Variants in PKIB observed in about 807,000 individuals in gnomAD.
The protein encoded by PKIB is cAMP-dependent protein kinase inhibitor beta.
PKIB carries 2 observed loss-of-function variants against 4.5 expected under a neutral mutation model. That is an observed-to-expected ratio of 0.44 (90% CI 0.18 to 1.39). PKIB has a LOEUF of 1.39. Among genes scored for constraint, PKIB ranks in the 40% most tolerant of loss-of-function variants. The probability of loss-of-function intolerance (pLI) is 0.27; values close to 1 mark genes in which losing one functional copy is unlikely to be tolerated. For missense variants in PKIB, 94 were observed against 92.6 expected, an observed-to-expected ratio of 1.02 and a Z score of -0.06; for synonymous variants, 38 against 36.0, an observed-to-expected ratio of 1.06 and a Z score of -0.20.
chr6:122,651,660 A>T (rs1334741595), intron 2 of PKIB, among the ~76,000 whole-genome samples: 1 of 152,220 alleles, frequency 6.6e-6, no homozygotes, highest in Non-Finnish European at 1.5e-5. Flanking sequence ...GGAGAAATTC[A>T]TTTTGTGTTG....
chr6:122,529,257 G>A (rs9490470), intron 2 of PKIB, among the ~76,000 whole-genome samples: 20,463 of 151,908 alleles, frequency 0.13, 1,503 homozygotes, highest in East Asian at 0.26. Context: ...TTGCAATTAC[G>A]TAAAACATCT....
intron 3 of PKIB, among the ~76,000 whole-genome samples, chr6:122,687,672 G>C (rs1334142499): frequency 6.6e-6 from 1 of 151,950 alleles, no homozygotes; most frequent in East Asian, 1.9e-4. Context: ...TTATTGTAGA[G>C]ATATTTCACT....
At chr6:122,524,309 T>C (rs1287948515) in intron 2 of PKIB, among the ~76,000 whole-genome samples, 2 of 144,928 alleles carry the variant, frequency 1.4e-5, no homozygotes, top group East Asian at 4.1e-4. Context: ...CCTCTTTCTT[T>C]TTCTTTTCCT....
At chr6:122,625,237 G>A (rs188412600) in intron 1 of PKIB, among the ~76,000 whole-genome samples, 145 of 152,218 alleles carry the variant, frequency 9.5e-4, no homozygotes, top group African/African-American at 3.3e-3. Context: ...CTAATTCTTC[G>A]TCATTTTTAT....
intron 1 of PKIB, among the ~76,000 whole-genome samples, chr6:122,612,864 A>G (rs529173148): frequency 7.7e-4 from 118 of 152,292 alleles, no homozygotes; most frequent in Non-Finnish European, 1.5e-3. Flanking sequence ...AAGGAACACT[A>G]TAGAGTAATT....
chr6:122,621,692 C>G (rs1775235212), intron 1 of PKIB, among the ~76,000 whole-genome samples: 1 of 152,174 alleles, frequency 6.6e-6, no homozygotes, highest in Non-Finnish European at 1.5e-5. Context: ...GGGACAGTGA[C>G]AGGAGATGTA....
intron 2 of PKIB, among the ~76,000 whole-genome samples, chr6:122,652,107 A>G (rs1328184472): frequency 6.6e-6 from 1 of 152,176 alleles, no homozygotes; most frequent in Non-Finnish European, 1.5e-5. Flanking sequence ...ACCAATTCAT[A>G]AAGCTTATCC....
rs1435809363 is a variant in PKIB, at chr6:122,537,758, C to T, written c.-247-48163C>T. On this transcript the variant is annotated intron_variant, in intron 2 of 6. Coordinates refer to the PKIB transcript ENST00000392491. The stretch of plus-strand genomic sequence containing the variant: ...GATCCCTGAGGAATCGCCACACTGA[C>T]TTCCACAATGGTTGAACTAGTTTTC... Among the ~76,000 whole-genome samples, 5 of 152,124 alleles carry T rather than the reference C, an allele frequency of 3.3e-5. 1 individual carries two copies. Among genetic ancestry groups the T allele is most frequent in the Admixed American group, 1.3e-4 (2 of 15,280 alleles).
At chr6:122,699,253 TAA>T (rs147271741) in intron 3 of PKIB, among the ~76,000 whole-genome samples, 1 of 132,824 alleles carries the variant, frequency 7.5e-6, no homozygotes, top group Non-Finnish European at 1.6e-5. Flanking sequence ...AGTATAATAA[TAA>T]AAAAAAAAGA....
At chr6:122,675,599 AG>A (rs751934392) in intron 3 of PKIB, among the ~76,000 whole-genome samples, 21 of 152,276 alleles carry the variant, frequency 1.4e-4, no homozygotes, top group East Asian at 9.7e-4. Flanking sequence ...AATCAAAACT[AG>A]GTCTCATAAT....
At chr6:122,507,811 T>G (rs941782603) in intron 2 of PKIB, among the ~76,000 whole-genome samples, 10 of 151,962 alleles carry the variant, frequency 6.6e-5, no homozygotes, top group African/African-American at 2.4e-4. Flanking sequence ...TTTAGGTCTT[T>G]GTTTTTGAGT....
chr6:122,623,276 G>A (rs940311509), intron 1 of PKIB, among the ~76,000 whole-genome samples: 2 of 152,096 alleles, frequency 1.3e-5, no homozygotes, highest in South Asian at 2.1e-4. Flanking sequence ...TTACTCTTTA[G>A]GAGAGTTGAC....
chr6:122,505,695 T>C (rs1776375539), intron 2 of PKIB, among the ~76,000 whole-genome samples: 1 of 152,118 alleles, frequency 6.6e-6, no homozygotes, highest in African/African-American at 2.4e-5. Flanking sequence ...TTAATATTAA[T>C]TTTTTATCCC....
At chr6:122,534,646 T>C (rs1177964750) in intron 2 of PKIB, among the ~76,000 whole-genome samples, 3 of 151,942 alleles carry the variant, frequency 2.0e-5, no homozygotes, top group Non-Finnish European at 2.9e-5. Context: ...ATACAATACT[T>C]TCATTGGAAA....
intron 2 of PKIB, among the ~76,000 whole-genome samples, chr6:122,583,134 A>G (rs1345079456): frequency 1.3e-5 from 2 of 152,010 alleles, no homozygotes; most frequent in East Asian, 3.8e-4. Flanking sequence ...TTCATTGTAT[A>G]ATACACTGTT....
chr6:122,547,522 G>A (rs558930354), intron 2 of PKIB, among the ~76,000 whole-genome samples: 3 of 151,874 alleles, frequency 2.0e-5, no homozygotes, highest in Admixed American at 6.6e-5. Context: ...ATTTTTAGTA[G>A]AGACGGGATT....
rs115401032 is a variant in PKIB, at chr6:122,684,604, G to T, written c.-9+9460G>T. ...CTTATAAGTTTGCCCTAGAAGTCCA[G>T]TGACATGAGCTTTAGACTGGATTTT... On this transcript the variant is annotated intron_variant, in intron 3 of 4. Coordinates refer to ENST00000368452, the MANE Select transcript of PKIB (RefSeq NM_181795.3). Among the ~76,000 whole-genome samples the T allele has an allele frequency of 4.7e-3, 723 of 152,288 alleles. 9 individuals are homozygous for T. Among genetic ancestry groups the T allele is most frequent in the African/African-American group, 0.016 (684 of 41,568 alleles).
chr6:122,696,693 C>G (rs9490524), intron 3 of PKIB, among the ~76,000 whole-genome samples: 49,018 of 152,074 alleles, frequency 0.32, 9,122 homozygotes, highest in South Asian at 0.56. Flanking sequence ...ACCTTAAAGT[C>G]CAGAGATGTA....
rs566120445 is a variant in PKIB at position 122,521,548 on chromosome 6, T to C, written c.-248+43609T>C. ...ACAAAAAATTAGCTGGGCGTGGTGGTGGGCGCCTGTAGTCCCAGCTACTCA... is the reference window on the plus strand; with the variant it reads ...ACAAAAAATTAGCTGGGCGTGGTGGCGGGCGCCTGTAGTCCCAGCTACTCA... On this transcript the variant is annotated intron_variant, in intron 2 of 6. Transcript: ENST00000392491. Among the ~76,000 whole-genome samples, 4 of 151,864 alleles carry C rather than the reference T, an allele frequency of 2.6e-5. No individual in the cohort carries two copies. The South Asian group carries it at 8.4e-4, about 32-fold the overall frequency.
Sources: allele counts gnomAD v4.1 joint callset (sites outside exome capture counted in the v4.1 genomes callset), GRCh38; gene constraint gnomAD v4.1.1; transcripts MANE v1.5; gene names NCBI Gene and HGNC (gene_info 2026-07-23, HGNC 2026-07-21).